Variants in COL6A5 observed in about 807,000 individuals in gnomAD.
COL6A5 encodes collagen alpha-5(VI) chain.
In COL6A5, 48 loss-of-function variants were observed where a neutral mutation model predicts 65.6. The observed-to-expected ratio is 0.73, with a 90% CI of 0.58 to 0.93. COL6A5 has a LOEUF of 0.93. COL6A5 is among the 40% of genes least tolerant of loss of function. COL6A5 has a pLI of 0.00. For missense variants in COL6A5, 914 were observed against 928.3 expected, an observed-to-expected ratio of 0.98 and a Z score of 0.20; for synonymous variants, 291 against 322.8, an observed-to-expected ratio of 0.90 and a Z score of 1.05.
rs1394926774 is a variant in COL6A5 at position 130,380,052 on chromosome 3, T to A, written c.1300+2T>A. ...AACAAAGGAATCTTGATAAAACTGG[T>A]ATGTTTTTTAAAATACTTTTCTAAT... On this transcript the variant is annotated splice_donor_variant and NMD_transcript_variant, in intron 4 of 41. Coordinates refer to the COL6A5 transcript ENST00000312481. 1 of 1,495,738 alleles carries A rather than the reference T, an allele frequency of 6.7e-7. No individual in the cohort carries two copies. Among genetic ancestry groups the A allele is most frequent in the East Asian group, 2.5e-5 (1 of 40,392 alleles). 92.7% of individuals were successfully genotyped at this position (1,495,738 alleles called of 1,614,324 possible).
intron 17 of COL6A5, 45 bp from the exon 18 acceptor site, chr3:130,409,281 A>T: frequency 6.8e-7 from 1 of 1,473,648 alleles, no homozygotes; most frequent in Non-Finnish European, 9.1e-7. Context: ...ACCATTATAC[A>T]AGCCTCCTAC....
chr3:130,443,515 C>T, exon 4 of COL6A5: 1 of 1,611,208 alleles, frequency 6.2e-7, no homozygotes, highest in Non-Finnish European at 8.5e-7. Context: ...CTTGAGGATG[C>T]CTGTAGACTC....
At chr3:130,406,215 G>A in intron 16 of COL6A5, 40 bp downstream of exon 16, 5 of 1,549,322 alleles carry the variant, frequency 3.2e-6, no homozygotes, top group Middle Eastern at 1.7e-4. Context: ...ACTGTCATGA[G>A]GTTGCTAAAA....
At chr3:130,387,354 A>G (rs1577455123) in intron 5 of COL6A5, among the ~76,000 whole-genome samples, 2 of 152,138 alleles carry the variant, frequency 1.3e-5, no homozygotes, top group South Asian at 4.1e-4. Context: ...ATTCAGGGAC[A>G]TTAAGTAGTT....
At chr3:130,424,369 T>C (rs913244546) in intron 29 of COL6A5, among the ~76,000 whole-genome samples, 3 of 151,926 alleles carry the variant, frequency 2.0e-5, no homozygotes, top group African/African-American at 7.3e-5. Context: ...ACAAGAAAAA[T>C]GGCACCTCTG....
At chr3:130,450,153 T>C (rs987216032) in intron 4 of COL6A5, among the ~76,000 whole-genome samples, 4 of 152,008 alleles carry the variant, frequency 2.6e-5, no homozygotes, top group African/African-American at 9.7e-5. Flanking sequence ...GGGGGTTGCG[T>C]TGGGACCGCC....
chr3:130,424,280 ATTG>A (rs949181141), intron 29 of COL6A5, among the ~76,000 whole-genome samples: 4 of 152,082 alleles, frequency 2.6e-5, no homozygotes, highest in Non-Finnish European at 5.9e-5. Flanking sequence ...CAAAACCACT[ATTG>A]TTGCCTTCCT....
intron 7 of COL6A5, among the ~76,000 whole-genome samples, chr3:130,392,849 A>G (rs1936448512): frequency 6.6e-6 from 1 of 152,090 alleles, no homozygotes. Context: ...TCTTCGTTTC[A>G]GATATTGAAT....
exon 22 of COL6A5, chr3:130,414,123 G>A (rs1937267635): frequency 3.9e-6 from 6 of 1,549,824 alleles, no homozygotes; most frequent in Admixed American, 2.0e-5. Context: ...AGGATTACAA[G>A]GCCCACAGGT....
Position 130,347,846 on chromosome 3 carries a change from C to T in COL6A5, c.-29+1865C>T, listed in dbSNP as rs78325830. Among the ~76,000 whole-genome samples the T allele has an allele frequency of 9.9e-3, 1,508 of 152,244 alleles. 17 individuals are homozygous for T. Among genetic ancestry groups the T allele is most frequent in the South Asian group, 0.08 (384 of 4,824 alleles). Reference sequence around the variant, plus strand: ...ATCTTGTAGGATCTCAGATCCAGTACACACTGAGCAAGTGGAAAGTGCAAA... The same window carrying T: ...ATCTTGTAGGATCTCAGATCCAGTATACACTGAGCAAGTGGAAAGTGCAAA... On this transcript the variant is annotated intron_variant and NMD_transcript_variant, in intron 1 of 41. Coordinates refer to the COL6A5 transcript ENST00000312481.
rs535964876 is a variant in COL6A5 at position 130,385,126 on chromosome 3, C to T, written c.1623C>T (p.Ser541=). The change falls in exon 5 of 42, where the codon AGC becomes AGT. Residue 541 remains serine, a synonymous_variant and NMD_transcript_variant. Transcript: ENST00000312481. ...AAAATGGAATGAAGGATAGAATGAGCAAGGTTCCCTGTTACCTCATTGTGT... is the reference window on the plus strand; with the variant it reads ...AAAATGGAATGAAGGATAGAATGAGTAAGGTTCCCTGTTACCTCATTGTGT... The T allele has an allele frequency of 5.1e-5, 79 of 1,551,020 alleles. No homozygotes were observed. The African/African-American group carries it at 9.3e-4, about 18-fold the overall frequency.
intron 1 of COL6A5, among the ~76,000 whole-genome samples, chr3:130,350,573 G>C (rs1934665714): frequency 6.6e-6 from 1 of 152,108 alleles, no homozygotes; most frequent in East Asian, 1.9e-4. Context: ...TCTTCAAAGA[G>C]AATAAAATAC....
At chr3:130,423,134 G>A (rs1937544780) in intron 28 of COL6A5, among the ~76,000 whole-genome samples, 1 of 152,042 alleles carries the variant, frequency 6.6e-6, no homozygotes, top group African/African-American at 2.4e-5. Flanking sequence ...TGGAAATGAA[G>A]GTGACAGTGG....
chr3:130,455,806 A>G lies in COL6A5; in HGVS notation c.1544+140A>G, dbSNP rs1709558882. The stretch of plus-strand genomic sequence containing the variant: ...GTTCATTATGGTAGATACAACTTCT[A>G]CTTTTATTGAAATTGAAGAAGTGAA... On this transcript the variant is annotated intron_variant, in intron 5 of 7. Coordinates refer to ENST00000512836, the Ensembl canonical transcript of COL6A5. 24 of 652,842 alleles carry G rather than the reference A, an allele frequency of 3.7e-5. No homozygotes were observed. In the South Asian group the frequency reaches 4.8e-4, roughly 13 times the overall value. 40.4% of individuals were successfully genotyped at this position (652,842 alleles called of 1,614,324 possible).
chr3:130,432,227 G>T lies in COL6A5; in HGVS notation c.487+278G>T, dbSNP rs150510385. 5.3e-3 allele frequency among the ~76,000 whole-genome samples: 804 copies of T among 152,132 alleles called. 12 individuals carry two copies. Among genetic ancestry groups the T allele is most frequent in the African/African-American group, 0.019 (775 of 41,492 alleles). On this transcript the variant is annotated intron_variant, in intron 1 of 7. Coordinates refer to ENST00000512836, the Ensembl canonical transcript of COL6A5. ...TATTCATACATTCTCACAGCCCTCG[G>T]AGGTCAATGCAGCTGTTGTCTCCAT...
At chr3:130,446,850 G>A (rs1469100931) in intron 4 of COL6A5, among the ~76,000 whole-genome samples, 1 of 152,070 alleles carries the variant, frequency 6.6e-6, no homozygotes, top group Non-Finnish European at 1.5e-5. Context: ...CGTTTAAGGA[G>A]AATTTTTTGC....
intron 7 of COL6A5, among the ~76,000 whole-genome samples, chr3:130,479,753 AT>A (rs1173248687): frequency 6.6e-6 from 1 of 152,166 alleles, no homozygotes; most frequent in East Asian, 1.9e-4. Flanking sequence ...TTATCAAAAA[AT>A]ATACTAATAA....
intron 5 of COL6A5, among the ~76,000 whole-genome samples, chr3:130,459,425 C>G (rs2107604257): frequency 6.6e-6 from 1 of 152,164 alleles, no homozygotes; most frequent in East Asian, 1.9e-4. Context: ...AAAAACTCAC[C>G]TGGGAGCAGC....
chr3:130,483,006 C>T (rs1044666097), intron 7 of COL6A5, among the ~76,000 whole-genome samples: 2 of 152,080 alleles, frequency 1.3e-5, no homozygotes, highest in Admixed American at 1.3e-4. Flanking sequence ...AAGGGAAGCC[C>T]ATCAGACTAA....
Sources: allele counts gnomAD v4.1 joint callset (sites outside exome capture counted in the v4.1 genomes callset), GRCh38; gene constraint gnomAD v4.1.1; transcripts MANE v1.5; gene names NCBI Gene and HGNC (gene_info 2026-07-23, HGNC 2026-07-21).